PCDHGB1: variants seen among roughly 807,000 people sequenced by gnomAD.
PCDHGB1 encodes the protein protocadherin gamma-B1.
A neutral mutation model predicts 56.6 loss-of-function variants in PCDHGB1; 34 were observed. The ratio of observed to expected loss-of-function variants is 0.60; its 90% CI spans 0.46 to 0.80. The LOEUF (loss-of-function observed/expected upper bound fraction) is 0.80. Among genes scored for constraint, PCDHGB1 ranks in the 30% least tolerant of loss-of-function variants. The probability of loss-of-function intolerance (pLI) is 0.00; values close to 1 mark genes in which losing one functional copy is unlikely to be tolerated. For synonymous variants in PCDHGB1, 561 were observed against 505.9 expected, an observed-to-expected ratio of 1.11 and a Z score of -1.46; for missense variants, 1,278 against 1,204.6, an observed-to-expected ratio of 1.06 and a Z score of -0.90.
rs754652710 is a variant in PCDHGB1 at position 141,476,367 on chromosome 5, G to A, written c.2410-18440G>A. Reference sequence around the variant, plus strand: ...TTCTTTGAGGTGAACCGGGAGACCGGAGAGATGTTTGTGAACGACCGTCTG... The same window carrying A: ...TTCTTTGAGGTGAACCGGGAGACCGAAGAGATGTTTGTGAACGACCGTCTG... On this transcript the variant is annotated intron_variant, in intron 1 of 3. Coordinates refer to ENST00000523390, the MANE Select transcript of PCDHGB1 (RefSeq NM_018922.3). The surrounding 1 kb of genome is among the most constrained non-coding windows in gnomAD (Gnocchi z 7.6). The A allele has an allele frequency of 2.5e-6, 4 of 1,614,172 alleles. No homozygotes were observed. In the South Asian group the frequency reaches 3.3e-5, roughly 13 times the overall value.
intron 1 of PCDHGB1, chr5:141,375,193 A>G: frequency 6.2e-7 from 1 of 1,613,982 alleles, no homozygotes; most frequent in Non-Finnish European, 8.5e-7. Context: ...CCCTTTTTCA[A>G]GTGTTCGATC....
intron 1 of PCDHGB1, chr5:141,408,109 C>T (rs1011504923): frequency 3.5e-6 from 5 of 1,445,662 alleles, no homozygotes; most frequent in Non-Finnish European, 4.6e-6. Flanking sequence ...AGACCCGGGA[C>T]TCCTCCTGTC....
chr5:141,382,821 CAG>C, intron 1 of PCDHGB1: 1 of 1,306,412 alleles, frequency 7.7e-7, no homozygotes, highest in South Asian at 1.5e-5. Context: ...CTTCCTAAGA[CAG>C]AGGGGTCCAC....
At chr5:141,361,689 C>G (rs752885909) in intron 1 of PCDHGB1, 1 of 1,613,502 alleles carries the variant, frequency 6.2e-7, no homozygotes, top group South Asian at 1.1e-5. Context: ...TCGCGCAGCG[C>G]GCCTTCGATC....
intron 1 of PCDHGB1, among the ~76,000 whole-genome samples, chr5:141,448,796 T>G (rs1268643310): frequency 1.0e-4 from 15 of 150,106 alleles, no homozygotes; most frequent in Admixed American, 4.0e-4. Context: ...AAAAAAAAAA[T>G]TAGCCAGGCG....
rs2096315825 is a variant in PCDHGB1 at position 141,419,028 on chromosome 5, T to C, written c.2409+66359T>C. On this transcript the variant is annotated intron_variant, in intron 1 of 3. Coordinates refer to ENST00000523390, the MANE Select transcript of PCDHGB1 (RefSeq NM_018922.3). ...GTCAGGTGTAGCTTAAGTAGAGGTG[T>C]TCCATTTAAGATTCATTCTTCTTCT... 5.0e-6 allele frequency: 8 copies of C among 1,613,638 alleles called. No individual in the cohort carries two copies. The South Asian group carries it at 8.8e-5, about 18-fold the overall frequency.
At chr5:141,488,011 T>C (rs1424799954) in intron 1 of PCDHGB1, among the ~76,000 whole-genome samples, 1 of 152,182 alleles carries the variant, frequency 6.6e-6, no homozygotes, top group Non-Finnish European at 1.5e-5. Context: ...GATTCTGAAG[T>C]ACCTTAACTC....
At position 141,476,387 on chromosome 5, in the gene PCDHGB1, C is replaced by T. The variant is rs147660262; in HGVS notation, c.2410-18420C>T. The T allele has an allele frequency of 6.2e-6, 10 of 1,613,958 alleles. No homozygotes were observed. Among genetic ancestry groups the T allele is most frequent in the Non-Finnish European group, 7.6e-6 (9 of 1,180,032 alleles). ...GACCGGAGAGATGTTTGTGAACGAC[C>T]GTCTGGATCGAGAGGAGCTGTGTGG... On this transcript the variant is annotated intron_variant, in intron 1 of 3. Coordinates refer to ENST00000523390, the MANE Select transcript of PCDHGB1 (RefSeq NM_018922.3). This position sits in a 1 kb window ranked among gnomAD's most constrained non-coding sequence, Gnocchi z 7.6.
Position 141,356,319 on chromosome 5 carries a change from C to T in PCDHGB1, c.2409+3650C>T, listed in dbSNP as rs756397423. The T allele has an allele frequency of 3.5e-5, 55 of 1,554,034 alleles. No homozygotes were observed. The Admixed American group carries it at 9.8e-4, about 28-fold the overall frequency. On this transcript the variant is annotated intron_variant, in intron 1 of 3. Transcript: ENST00000523390. ...TAATTGCACTTTTCAACGTGCATGACAGTGACTCAGGAGGAAATGGCCTAG... is the reference window on the plus strand; with the variant it reads ...TAATTGCACTTTTCAACGTGCATGATAGTGACTCAGGAGGAAATGGCCTAG...
chr5:141,478,392 A>T, intron 1 of PCDHGB1: 1 of 1,613,560 alleles, frequency 6.2e-7, no homozygotes, highest in East Asian at 2.2e-5. Flanking sequence ...CTTTACCATC[A>T]GGTGTATCTC....
intron 1 of PCDHGB1, chr5:141,359,992 TC>T: frequency 2.9e-6 from 3 of 1,042,060 alleles, no homozygotes; most frequent in Non-Finnish European, 4.0e-6. Flanking sequence ...GAGGGGAACT[TC>T]CTGCACAAAC....
chr5:141,428,536 A>G (rs981530261), intron 1 of PCDHGB1: 1 of 273,778 alleles, frequency 3.7e-6, no homozygotes, highest in Non-Finnish European at 7.2e-6. Flanking sequence ...TTTTCTCACC[A>G]TGACACCAGA....
rs1369821635 is a variant in PCDHGB1, at chr5:141,512,208, G to T, written c.*1035G>T. ...TTCAGTCCAAGGAAGCTCGAAGCAG[G>T]TTTAGGACCAGGTCCCCTTGAGAGG... On this transcript the variant is annotated 3_prime_UTR_variant, in exon 4 of 4. Coordinates refer to ENST00000523390, the MANE Select transcript of PCDHGB1 (RefSeq NM_018922.3). 6.5e-6 allele frequency: 1 copy of T among 152,758 alleles called. No homozygotes were observed. The highest frequency in any genetic ancestry group is 2.4e-5 in the African/African-American group (1 of 41,454). The allele number at this position is 152,758 out of a possible 1,614,324, so 9.5% of individuals were successfully genotyped here.
chr5:141,360,432 G>A lies in PCDHGB1; in HGVS notation c.2409+7763G>A, dbSNP rs753356248. Reference sequence around the variant, plus strand: ...ACCGAGAACAGATATGCGGGAAGCAGCCTCTGTGTGTTCTGGATTTCGATA... The same window carrying A: ...ACCGAGAACAGATATGCGGGAAGCAACCTCTGTGTGTTCTGGATTTCGATA... On this transcript the variant is annotated intron_variant, in intron 1 of 3. Coordinates refer to ENST00000523390, the MANE Select transcript of PCDHGB1 (RefSeq NM_018922.3). 45 of 1,613,876 alleles carry A rather than the reference G, an allele frequency of 2.8e-5. No homozygotes were observed. In the Admixed American group the frequency reaches 6.8e-4, roughly 25 times the overall value.
At chr5:141,427,861 T>G (rs776215800) in intron 1 of PCDHGB1, 2 of 1,556,958 alleles carry the variant, frequency 1.3e-6, no homozygotes, top group Admixed American at 1.7e-5. Flanking sequence ...CTGTGCGCCT[T>G]CGAGCTCACG....
chr5:141,422,807 G>C (rs199507728), intron 1 of PCDHGB1: 7 of 1,614,198 alleles, frequency 4.3e-6, no homozygotes, highest in Non-Finnish European at 5.9e-6. Context: ...GAGCAGTTTC[G>C]AGACTTAGAA....
chr5:141,422,349 T>G, intron 1 of PCDHGB1: 1 of 1,554,722 alleles, frequency 6.4e-7, no homozygotes, highest in South Asian at 1.3e-5. Flanking sequence ...ATGTGCAAGA[T>G]CAAGATTCTG....
Position 141,491,844 on chromosome 5 carries a change from G to A in PCDHGB1, c.2410-2963G>A. On this transcript the variant is annotated intron_variant, in intron 1 of 3. Transcript: ENST00000523390. The surrounding 1 kb of genome is among the most constrained non-coding windows in gnomAD (Gnocchi z 6.9). ...GCTCCACCCGATTCTCGGGATCATT[G>A]GACCGTTTGCGCGAAACCAGAGTGG... 1 of 1,464,184 alleles carries A rather than the reference G, an allele frequency of 6.8e-7. No homozygotes were observed. 90.7% of individuals were successfully genotyped at this position (1,464,184 alleles called of 1,614,324 possible).
chr5:141,463,266 T>G (rs933899476), intron 1 of PCDHGB1, among the ~76,000 whole-genome samples: 16 of 151,982 alleles, frequency 1.1e-4, no homozygotes, highest in African/African-American at 3.6e-4. Context: ...CTCTATCCCA[T>G]AAATTCTGGC....
Sources: allele counts gnomAD v4.1 joint callset (sites outside exome capture counted in the v4.1 genomes callset), GRCh38; gene constraint gnomAD v4.1.1; non-coding constraint Gnocchi (gnomAD v3.1); transcripts MANE v1.5; gene names NCBI Gene and HGNC (gene_info 2026-07-23, HGNC 2026-07-21).